Variants in SI observed in about 807,000 individuals in gnomAD.
SI encodes the protein sucrase-isomaltase, intestinal.
A neutral mutation model predicts 253.3 loss-of-function variants in SI; 235 were observed. The ratio of observed to expected loss-of-function variants is 0.93; its 90% CI spans 0.83 to 1.03. The LOEUF (loss-of-function observed/expected upper bound fraction) is 1.03, where lower values mean the gene tolerates loss of function less well. Among genes scored for constraint, SI ranks in the 50% least tolerant of loss-of-function variants. SI has a pLI of 0.00. For synonymous variants in SI, 819 were observed against 712.0 expected (o/e 1.15, Z -2.39); for missense variants, 2,442 against 2,211.1 (o/e 1.10, Z -2.09).
rs775933206 is a variant in SI at position 165,023,569 on chromosome 3, C to T, written c.3099+1G>A. 2.5e-6 allele frequency: 4 copies of T among 1,606,852 alleles called. No individual in the cohort carries two copies. The highest frequency in any genetic ancestry group is 2.7e-5 in the African/African-American group (2 of 74,578). ...TTTGGGGTAGTTTATATCAAGCATA[C>T]CTTAAACTGCAACATATCATTTTTG... is the stretch of plus-strand genomic sequence containing the variant. On this transcript the variant is annotated splice_donor_variant, in intron 26 of 47. Transcript: ENST00000264382. LOFTEE classifies it high-confidence loss of function.
intron 37 of SI, among the ~76,000 whole-genome samples, chr3:165,000,085 GA>G (rs1718190959): frequency 6.6e-6 from 1 of 151,042 alleles, no homozygotes; most frequent in Non-Finnish European, 1.5e-5. Flanking sequence ...AAATCTATAT[GA>G]AAATGTATTT....
At chr3:164,986,968 C>A (rs6775874) in intron 45 of SI, among the ~76,000 whole-genome samples, 170 bp downstream of exon 45, 1 of 152,032 alleles carries the variant, frequency 6.6e-6, no homozygotes, top group African/African-American at 2.4e-5. Flanking sequence ...TAAATGTTTG[C>A]GACATTGTTT....
intron 40 of SI, among the ~76,000 whole-genome samples, chr3:164,995,450 A>G (rs189057532): frequency 5.9e-5 from 9 of 151,976 alleles, no homozygotes; most frequent in Admixed American, 3.9e-4. Context: ...TCTAAACTAT[A>G]CAATTCGAGT....
chr3:165,089,575 G>C, the SI span, among the ~76,000 whole-genome samples: 1 of 152,034 alleles, frequency 6.6e-6, no homozygotes, highest in African/African-American at 2.4e-5. Flanking sequence ...TGAGGTTAGC[G>C]ATCTGCTCTT....
At chr3:165,088,682 A>G in the SI span, among the ~76,000 whole-genome samples, 1 of 152,168 alleles carries the variant, frequency 6.6e-6, no homozygotes, top group South Asian at 2.1e-4. Flanking sequence ...TTAAAAAATA[A>G]AACAACATGG....
At chr3:164,983,250 A>G (rs1046091237) in intron 45 of SI, among the ~76,000 whole-genome samples, 199 bp from the exon 46 acceptor site, 2 of 152,164 alleles carry the variant, frequency 1.3e-5, no homozygotes, top group Non-Finnish European at 2.9e-5. Flanking sequence ...GTCACCAGGT[A>G]AGGTCCTAAG....
chr3:164,986,154 C>CA (rs1188514952), intron 45 of SI, among the ~76,000 whole-genome samples: 2 of 152,092 alleles, frequency 1.3e-5, no homozygotes, highest in African/African-American at 4.8e-5. Context: ...TTTGGGGGCT[C>CA]AAAAACTGAT....
intron 34 of SI, among the ~76,000 whole-genome samples, chr3:165,011,178 C>T (rs1214295594): frequency 3.3e-5 from 5 of 151,830 alleles, no homozygotes; most frequent in Admixed American, 1.3e-4. Flanking sequence ...TATTCTTTTT[C>T]TAATTCATTG....
At chr3:165,038,989 T>A in intron 20 of SI, 89 bp downstream of exon 20, 1 of 775,748 alleles carries the variant, frequency 1.3e-6, no homozygotes, top group East Asian at 2.6e-5. Flanking sequence ...GTATGCTATG[T>A]AGTTAAGTTT....
intron 1 of SI, 108 bp downstream of exon 1, chr3:165,078,325 A>G: frequency 6.6e-6 from 1 of 151,980 alleles, no homozygotes; most frequent in Non-Finnish European, 1.5e-5. Context: ...TGATATTGCT[A>G]TTTTAGCCTA....
At chr3:165,085,841 A>G in the SI span, among the ~76,000 whole-genome samples, 1 of 152,198 alleles carries the variant, frequency 6.6e-6, no homozygotes, top group Non-Finnish European at 1.5e-5. Context: ...GACAAATGTT[A>G]CAATACTAGC....
intron 47 of SI, among the ~76,000 whole-genome samples, chr3:164,980,362 C>T (rs376483570): frequency 6.6e-6 from 1 of 151,970 alleles, no homozygotes; most frequent in East Asian, 1.9e-4. Context: ...CAAAAATACA[C>T]CACATAGCTT....
In SI at chr3:165,066,694, C is replaced by A. The variant is rs374409046; in HGVS notation, c.635+646G>T. Among the ~76,000 whole-genome samples, 4 of 151,900 alleles carry A rather than the reference C, an allele frequency of 2.6e-5. No individual in the cohort carries two copies. In the East Asian group the frequency reaches 5.8e-4, roughly 22 times the overall value. The stretch of plus-strand genomic sequence containing the variant: ...ATCATACAGTATTTGCCTTTTTGTG[C>A]CTGGCTTATTTCACATGGCATTTAA... On this transcript the variant is annotated intron_variant, in intron 6 of 47. Transcript: ENST00000264382.
Position 165,065,248 on chromosome 3 carries a change from A to G in SI, c.807+13T>C. The stretch of plus-strand genomic sequence containing the variant: ...TAGTGATTTTATTTATAACAAGAAA[A>G]ATAATTTCTTACATCACCAGGAAGT... On this transcript the variant is annotated intron_variant, in intron 7 of 47. Coordinates refer to ENST00000264382, the MANE Select transcript of SI (RefSeq NM_001041.4). 6.5e-7 allele frequency: 1 copy of G among 1,550,338 alleles called. No homozygotes were observed. The highest frequency in any genetic ancestry group is 8.9e-7 in the Non-Finnish European group (1 of 1,125,338).
At chr3:165,071,156 C>T (rs1434623712) in intron 3 of SI, among the ~76,000 whole-genome samples, 5 of 152,036 alleles carry the variant, frequency 3.3e-5, no homozygotes, top group Admixed American at 1.3e-4. Context: ...TCATATTCTG[C>T]GATTCCAAGT....
At chr3:164,981,549 C>G (rs1351744911) in intron 47 of SI, among the ~76,000 whole-genome samples, 1 of 152,074 alleles carries the variant, frequency 6.6e-6, no homozygotes, top group Non-Finnish European at 1.5e-5. Context: ...CACAAATTTA[C>G]ACAGTTTTAG....
chr3:165,051,009 T>C (rs1364715709), intron 13 of SI, among the ~76,000 whole-genome samples: 1 of 152,060 alleles, frequency 6.6e-6, no homozygotes, highest in Non-Finnish European at 1.5e-5. Flanking sequence ...AGACCGATGG[T>C]GTCACTCAAA....
At chr3:164,979,707 C>T (rs11918207) in intron 47 of SI, among the ~76,000 whole-genome samples, 95 of 151,862 alleles carry the variant, frequency 6.3e-4, no homozygotes, top group African/African-American at 2.0e-3. Flanking sequence ...TTATTGATTT[C>T]TATGACTTTA....
intron 36 of SI, 91 bp downstream of exon 36, chr3:165,007,820 T>C: frequency 4.5e-6 from 2 of 448,676 alleles, no homozygotes; most frequent in Non-Finnish European, 8.2e-6. Context: ...ATTCTATGTA[T>C]AGCTAACTGA....
Sources: gnomAD v4.1 joint callset for allele counts (sites outside exome capture counted in the v4.1 genomes callset) on GRCh38, gnomAD v4.1.1 for gene constraint, MANE v1.5 for transcripts, NCBI Gene and HGNC (gene_info 2026-07-23, HGNC 2026-07-21) for gene names.